Variants in PPARGC1A observed in about 807,000 individuals in gnomAD.
PPARGC1A encodes the protein peroxisome proliferator-activated receptor gamma coactivator 1-alpha.
A neutral mutation model predicts 88.7 loss-of-function variants in PPARGC1A; 25 were observed. That is an observed-to-expected ratio of 0.28 (90% CI 0.21 to 0.39). The LOEUF (loss-of-function observed/expected upper bound fraction) is 0.39. PPARGC1A is among the 10% of genes least tolerant of loss of function. The pLI, the probability that PPARGC1A is intolerant of heterozygous loss-of-function variation, is 1.00. For synonymous variants in PPARGC1A, 363 were observed against 355.6 expected (o/e 1.02, Z -0.24); for missense variants, 880 against 968.7 (o/e 0.91, Z 1.22).
chr4:23,894,378 T>C (rs1044235538), upstream of PPARGC1A, among the ~76,000 whole-genome samples: 4 of 152,096 alleles, frequency 2.6e-5, no homozygotes, highest in Non-Finnish European at 5.9e-5. Context: ...AGAGACTGCA[T>C]AGAACACAAA....
the PPARGC1A span, among the ~76,000 whole-genome samples, chr4:24,032,651 C>T: frequency 2.6e-5 from 4 of 152,194 alleles, no homozygotes; most frequent in South Asian, 8.3e-4. Context: ...CCTTTGGGGC[C>T]AAGCTCTATG....
chr4:24,104,273 C>T, the PPARGC1A span, among the ~76,000 whole-genome samples: 2 of 152,188 alleles, frequency 1.3e-5, no homozygotes, highest in African/African-American at 4.8e-5. Flanking sequence ...TTATCTCCTA[C>T]TCATCCTTCT....
chr4:23,968,142 A>G, the PPARGC1A span, among the ~76,000 whole-genome samples: 1 of 152,184 alleles, frequency 6.6e-6, no homozygotes, highest in Non-Finnish European at 1.5e-5. Context: ...CAGCCTCCAG[A>G]TCCCATAAGC....
At chr4:24,436,584 C>T in the PPARGC1A span, among the ~76,000 whole-genome samples, 100 of 149,424 alleles carry the variant, frequency 6.7e-4, no homozygotes, top group African/African-American at 1.9e-3. Flanking sequence ...CCCCAGAGCC[C>T]GGGTCACAGA....
chr4:24,267,888 T>C, the PPARGC1A span, among the ~76,000 whole-genome samples: 1 of 152,200 alleles, frequency 6.6e-6, no homozygotes, highest in Non-Finnish European at 1.5e-5. Context: ...CATCTGTATT[T>C]ATAAAAGAAT....
At chr4:24,187,666 C>T in the PPARGC1A span, among the ~76,000 whole-genome samples, 1 of 152,156 alleles carries the variant, frequency 6.6e-6, no homozygotes, top group Non-Finnish European at 1.5e-5. Flanking sequence ...TTCATTTATC[C>T]ACCCAGCAAA....
the PPARGC1A span, among the ~76,000 whole-genome samples, chr4:24,247,486 T>A: frequency 2.0e-5 from 3 of 152,204 alleles, no homozygotes; most frequent in Non-Finnish European, 4.4e-5. Flanking sequence ...ATCATCATTA[T>A]GATGATAGAG....
chr4:24,227,527 A>C, the PPARGC1A span, among the ~76,000 whole-genome samples: 10 of 152,266 alleles, frequency 6.6e-5, no homozygotes, highest in Admixed American at 6.5e-4. Context: ...CAGAAATTAA[A>C]TAAACAAATA....
chr4:24,184,953 C>T, the PPARGC1A span, among the ~76,000 whole-genome samples: 3 of 152,164 alleles, frequency 2.0e-5, no homozygotes, highest in African/African-American at 7.2e-5. Context: ...TACTCCTATC[C>T]TCATCTGGGT....
chr4:23,957,539 AAT>A, the PPARGC1A span, among the ~76,000 whole-genome samples: 1 of 152,102 alleles, frequency 6.6e-6, no homozygotes, highest in Non-Finnish European at 1.5e-5. Flanking sequence ...ATAGGTTTTA[AAT>A]AGTTTTCATC....
chr4:24,322,612 G>A, the PPARGC1A span, among the ~76,000 whole-genome samples: 1 of 152,218 alleles, frequency 6.6e-6, no homozygotes, highest in African/African-American at 2.4e-5. Flanking sequence ...GCTGGAACAG[G>A]CTTACATAGG....
chr4:24,169,741 C>G, the PPARGC1A span, among the ~76,000 whole-genome samples: 1,752 of 152,034 alleles, frequency 0.012, 13 homozygotes, highest in Non-Finnish European at 0.02. Context: ...TTGTGGCAGG[C>G]GCCTGTAATC....
At chr4:24,024,857 T>A in the PPARGC1A span, among the ~76,000 whole-genome samples, 4 of 152,194 alleles carry the variant, frequency 2.6e-5, no homozygotes, top group African/African-American at 9.6e-5. Flanking sequence ...GCTAATATAA[T>A]ATCAAGTGAC....
chr4:24,138,399 A>T, the PPARGC1A span, among the ~76,000 whole-genome samples: 1 of 152,162 alleles, frequency 6.6e-6, no homozygotes, highest in Non-Finnish European at 1.5e-5. Context: ...ATTGCAGTGA[A>T]ATTAGAAGCT....
At chr4:24,445,794 G>A in the PPARGC1A span, among the ~76,000 whole-genome samples, 5 of 152,264 alleles carry the variant, frequency 3.3e-5, no homozygotes, top group South Asian at 2.1e-4. Flanking sequence ...CAGGCCAGGC[G>A]CAGTGGTTCA....
chr4:24,329,555 T>C, the PPARGC1A span, among the ~76,000 whole-genome samples: 5 of 152,156 alleles, frequency 3.3e-5, no homozygotes, highest in Admixed American at 3.3e-4. Context: ...TTCCTCTCTC[T>C]TTACCTGGCA....
chr4:24,120,085 A>G, the PPARGC1A span, among the ~76,000 whole-genome samples: 2 of 152,198 alleles, frequency 1.3e-5, no homozygotes, highest in Non-Finnish European at 2.9e-5. Context: ...GCAACATTGC[A>G]TATTTGGTCT....
the PPARGC1A span, among the ~76,000 whole-genome samples, chr4:24,043,554 C>A: frequency 4.0e-4 from 61 of 152,086 alleles, no homozygotes; most frequent in Non-Finnish European, 7.6e-4. Context: ...ATACAGAATG[C>A]CTTTCCTTGG....
the PPARGC1A span, among the ~76,000 whole-genome samples, chr4:24,387,392 T>C: frequency 3.3e-5 from 5 of 152,046 alleles, no homozygotes; most frequent in African/African-American, 1.2e-4. Context: ...AATTGACCAA[T>C]GGAATGTAAT....
Sources: gnomAD v4.1 joint callset for allele counts (sites outside exome capture counted in the v4.1 genomes callset) on GRCh38, gnomAD v4.1.1 for gene constraint, MANE v1.5 for transcripts, NCBI Gene and HGNC (gene_info 2026-07-23, HGNC 2026-07-21) for gene names.